The following AGAP1 variants were observed in gnomAD, a reference collection of about 807,000 sequenced individuals.
AGAP1 encodes the protein ArfGAP with GTPase domain, ankyrin repeat and PH domain 1.
AGAP1 carries 29 observed loss-of-function variants against 105.3 expected under a neutral mutation model. The observed-to-expected ratio is 0.28, with a 90% CI of 0.21 to 0.38. AGAP1 has a LOEUF of 0.38. Ranked by LOEUF, AGAP1 falls within the 10% of genes least tolerant of loss-of-function variation. The probability of loss-of-function intolerance (pLI) is 1.00; values close to 1 mark genes in which losing one functional copy is unlikely to be tolerated. For synonymous variants in AGAP1, 509 were observed against 485.9 expected, an observed-to-expected ratio of 1.05 and a Z score of -0.63; for missense variants, 998 against 1,165.1, an observed-to-expected ratio of 0.86 and a Z score of 2.09.
intron 9 of AGAP1, among the ~76,000 whole-genome samples, chr2:235,880,625 A>G (rs1432564522): frequency 6.6e-6 from 1 of 152,010 alleles, no homozygotes; most frequent in African/African-American, 2.4e-5. Context: ...CTGTAATCCC[A>G]GCTACTCTGG....
chr2:235,956,608 G>T (rs1260751519), intron 12 of AGAP1, among the ~76,000 whole-genome samples: 1 of 152,226 alleles, frequency 6.6e-6, no homozygotes, highest in East Asian at 1.9e-4. Context: ...AGAGAGCAGA[G>T]GAGTATGACC....
At chr2:235,835,964 T>G (rs954827632) in intron 9 of AGAP1, among the ~76,000 whole-genome samples, 1 of 152,316 alleles carries the variant, frequency 6.6e-6, no homozygotes, top group South Asian at 2.1e-4. Flanking sequence ...GACAGTTGTA[T>G]TGTGGTTAAT....
intron 1 of AGAP1, among the ~76,000 whole-genome samples, chr2:235,669,289 T>A (rs974255063): frequency 6.6e-6 from 1 of 152,176 alleles, no homozygotes; most frequent in Non-Finnish European, 1.5e-5. Flanking sequence ...ACAAGTCACA[T>A]GAGTTGCATC....
chr2:235,784,423 TCTCTG>T (rs752964396), intron 6 of AGAP1, among the ~76,000 whole-genome samples: 1 of 152,302 alleles, frequency 6.6e-6, no homozygotes, highest in Non-Finnish European at 1.5e-5. Flanking sequence ...CAATCAGTAT[TCTCTG>T]CTGAACTCTA....
chr2:236,089,182 A>T lies in AGAP1; in HGVS notation c.2115-31010A>T, dbSNP rs1447441982. ...GTCCAGTTTGTACATTTCTGCATGGATGAGGTCTTTTCAAAGCACATACAG... is the reference window on the plus strand; with the variant it reads ...GTCCAGTTTGTACATTTCTGCATGGTTGAGGTCTTTTCAAAGCACATACAG... On this transcript the variant is annotated intron_variant, in intron 16 of 17. Transcript: ENST00000304032. This position sits in a 1 kb window ranked among gnomAD's most constrained non-coding sequence, Gnocchi z 5.6. 6.6e-6 allele frequency among the ~76,000 whole-genome samples: 1 copy of T among 152,202 alleles called. No homozygotes were observed. Among genetic ancestry groups the T allele is most frequent in the Non-Finnish European group, 1.5e-5 (1 of 68,032 alleles).
chr2:235,894,723 A>G (rs1433650062), intron 10 of AGAP1, among the ~76,000 whole-genome samples: 2 of 152,138 alleles, frequency 1.3e-5, no homozygotes, highest in African/African-American at 2.4e-5. Flanking sequence ...TTGCAAATCT[A>G]AATTACCTCC....
At chr2:236,008,256 G>A (rs1048712294) in intron 13 of AGAP1, among the ~76,000 whole-genome samples, 1 of 152,150 alleles carries the variant, frequency 6.6e-6, no homozygotes, top group Non-Finnish European at 1.5e-5. Context: ...TTCTCATGCT[G>A]TTGTCATATA....
At chr2:235,782,289 G>T (rs909039018) in intron 6 of AGAP1, among the ~76,000 whole-genome samples, 1 of 151,498 alleles carries the variant, frequency 6.6e-6, no homozygotes, top group Non-Finnish European at 1.5e-5. Flanking sequence ...CATCAAAAGA[G>T]AAATCTGTTT....
chr2:236,079,923 G>C (rs192721413), intron 16 of AGAP1, among the ~76,000 whole-genome samples: 1 of 152,342 alleles, frequency 6.6e-6, no homozygotes, highest in African/African-American at 2.4e-5. Flanking sequence ...CCAGTTTCAC[G>C]GAGCTGGTCT....
chr2:235,717,243 G>A (rs542646222), intron 2 of AGAP1, among the ~76,000 whole-genome samples: 4 of 152,266 alleles, frequency 2.6e-5, no homozygotes, highest in South Asian at 2.1e-4. Flanking sequence ...AGATGCCGGC[G>A]GGCTAACTCA....
chr2:235,858,159 C>T (rs146443154), intron 9 of AGAP1, among the ~76,000 whole-genome samples: 26 of 152,292 alleles, frequency 1.7e-4, no homozygotes, highest in Middle Eastern at 6.8e-3. Context: ...AACATTACCA[C>T]ATAAAGGAAG....
At chr2:235,628,957 G>A (rs911009199) in intron 1 of AGAP1, among the ~76,000 whole-genome samples, 2 of 151,888 alleles carry the variant, frequency 1.3e-5, no homozygotes, top group South Asian at 2.1e-4. Flanking sequence ...GATTACAGGC[G>A]CCTGCCACCA....
intron 9 of AGAP1, among the ~76,000 whole-genome samples, chr2:235,871,022 C>T (rs1322182763): frequency 2.0e-5 from 3 of 152,134 alleles, no homozygotes; most frequent in Non-Finnish European, 4.4e-5. Context: ...CTCTCTAATC[C>T]ATGGATCTCT....
At chr2:236,026,024 C>T (rs918312488) in intron 13 of AGAP1, among the ~76,000 whole-genome samples, 1 of 152,226 alleles carries the variant, frequency 6.6e-6, no homozygotes, top group Non-Finnish European at 1.5e-5. Flanking sequence ...CCTCCCATCC[C>T]TGGCTTCACT....
chr2:235,918,056 G>C lies in AGAP1; in HGVS notation c.1324+9150G>C, dbSNP rs190499981. 1.3e-3 allele frequency among the ~76,000 whole-genome samples: 197 copies of C among 152,306 alleles called. 2 individuals are homozygous for C. Among genetic ancestry groups the C allele is most frequent in the African/African-American group, 4.3e-3 (180 of 41,568 alleles). ...ACTCTGGAGTCCGGAGTCTGTTGTG[G>C]GCCCTGGATGAGCAGTGTCAGTCCA... On this transcript the variant is annotated intron_variant, in intron 11 of 17. Coordinates refer to ENST00000304032, the MANE Select transcript of AGAP1 (RefSeq NM_001037131.3).
chr2:235,922,301 A>G (rs1559649800), intron 11 of AGAP1, among the ~76,000 whole-genome samples: 2 of 152,184 alleles, frequency 1.3e-5, no homozygotes, highest in Non-Finnish European at 2.9e-5. Context: ...AAGGTATACA[A>G]TTCTGCAGTG....
intron 1 of AGAP1, among the ~76,000 whole-genome samples, chr2:235,519,713 T>C (rs1357021159): frequency 2.0e-5 from 3 of 152,202 alleles, no homozygotes; most frequent in Non-Finnish European, 4.4e-5. Context: ...TGATCTCCTG[T>C]GTACCCTCAA....
At position 235,559,226 on chromosome 2, in the gene AGAP1, G is replaced by A. The variant is rs1944070863; in HGVS notation, c.163+64377G>A. 6.6e-6 allele frequency among the ~76,000 whole-genome samples: 1 copy of A among 152,096 alleles called. No individual in the cohort carries two copies. The highest frequency in any genetic ancestry group is 2.4e-5 in the African/African-American group (1 of 41,402). On this transcript the variant is annotated intron_variant, in intron 1 of 17. Coordinates refer to ENST00000304032, the MANE Select transcript of AGAP1 (RefSeq NM_001037131.3). The surrounding 1 kb of genome is among the most constrained non-coding windows in gnomAD (Gnocchi z 5.7). ...ATAGGCCTGAGCTGCCACCACAGTTGGCTTGAAGATTTTTTAGAAACTTGC... is the reference window on the plus strand; with the variant it reads ...ATAGGCCTGAGCTGCCACCACAGTTAGCTTGAAGATTTTTTAGAAACTTGC...
At position 235,879,761 on chromosome 2, in the gene AGAP1, C is replaced by A. The variant is rs1193868933; in HGVS notation, c.1051-3584C>A. 2.0e-5 allele frequency among the ~76,000 whole-genome samples: 3 copies of A among 151,922 alleles called. No individual in the cohort carries two copies. The highest frequency in any genetic ancestry group is 7.3e-5 in the African/African-American group (3 of 41,330). On this transcript the variant is annotated intron_variant, in intron 9 of 17. Coordinates refer to ENST00000304032, the MANE Select transcript of AGAP1 (RefSeq NM_001037131.3). The surrounding 1 kb of genome is among the most constrained non-coding windows in gnomAD (Gnocchi z 5.0). Reference sequence around the variant, plus strand: ...TGGGCAAGATGATGAGACCCTGTCTCTACAAAAAATAAAATAAAAAATTAG... The same window carrying A: ...TGGGCAAGATGATGAGACCCTGTCTATACAAAAAATAAAATAAAAAATTAG...
Sources: allele counts gnomAD v4.1 joint callset (sites outside exome capture counted in the v4.1 genomes callset), GRCh38; gene constraint gnomAD v4.1.1; non-coding constraint Gnocchi (gnomAD v3.1); transcripts MANE v1.5; gene names NCBI Gene and HGNC (gene_info 2026-07-23, HGNC 2026-07-21).